The following CMSS1 variants were observed in gnomAD, a reference collection of about 807,000 sequenced individuals.
The protein encoded by CMSS1 is cms1 ribosomal small subunit homolog.
Under a neutral mutation model 43.5 loss-of-function variants are expected in CMSS1, and 33 were observed. The observed-to-expected ratio is 0.76, with a 90% CI of 0.57 to 1.01. The LOEUF (loss-of-function observed/expected upper bound fraction) is 1.01, where lower values mean the gene tolerates loss of function less well. Ranked by LOEUF, CMSS1 falls within the 50% of genes least tolerant of loss-of-function variation. The pLI is 0.00. For missense variants in CMSS1, 313 were observed against 326.4 expected (o/e 0.96, Z 0.32); for synonymous variants, 115 against 117.2 (o/e 0.98, Z 0.12).
chr3:100,163,561 G>A (rs953084218), intron 4 of CMSS1, among the ~76,000 whole-genome samples: 1 of 152,124 alleles, frequency 6.6e-6, no homozygotes, highest in African/African-American at 2.4e-5. Context: ...TTTAGAGACA[G>A]TGTCTTGTTG....
At chr3:100,114,896 T>G in intron 1 of CMSS1, 10 of 1,391,558 alleles carry the variant, frequency 7.2e-6, no homozygotes, top group Non-Finnish European at 9.8e-6. Context: ...ATTAACGCTG[T>G]GTTGGACTCA....
intron 1 of CMSS1, among the ~76,000 whole-genome samples, chr3:100,062,934 T>C (rs762228928): frequency 3.9e-5 from 6 of 152,208 alleles, no homozygotes; most frequent in African/African-American, 9.7e-5. Context: ...TTAATCTCTC[T>C]GAGCCAGCAG....
chr3:99,819,373 C>T (rs1942386620), intron 1 of CMSS1, among the ~76,000 whole-genome samples: 1 of 152,146 alleles, frequency 6.6e-6, no homozygotes, highest in African/African-American at 2.4e-5. Context: ...AAGGGGATCC[C>T]AATTCTTGGT....
At chr3:100,138,122 G>A (rs1244056558) in intron 1 of CMSS1, among the ~76,000 whole-genome samples, 1 of 152,178 alleles carries the variant, frequency 6.6e-6, no homozygotes, top group African/African-American at 2.4e-5. Context: ...ATGGTGCTGG[G>A]AAAACTGGCT....
intron 1 of CMSS1, among the ~76,000 whole-genome samples, chr3:99,937,317 T>C (rs1707710105): frequency 6.6e-6 from 1 of 152,250 alleles, no homozygotes; most frequent in African/African-American, 2.4e-5. Flanking sequence ...GTGAGTAACA[T>C]AAATTCACAA....
At chr3:99,928,639 T>A (rs1292133676) in intron 1 of CMSS1, among the ~76,000 whole-genome samples, 1 of 152,252 alleles carries the variant, frequency 6.6e-6, no homozygotes, top group African/African-American at 2.4e-5. Context: ...TTTGGAATCA[T>A]CCTGTTCCAT....
At chr3:99,999,236 TAA>T (rs1709773501) in intron 1 of CMSS1, among the ~76,000 whole-genome samples, 1 of 152,214 alleles carries the variant, frequency 6.6e-6, no homozygotes, top group African/African-American at 2.4e-5. Context: ...GAAAGTGTGA[TAA>T]GCTCTCACTG....
intron 1 of CMSS1, among the ~76,000 whole-genome samples, chr3:100,054,295 T>G (rs1393219949): frequency 1.3e-5 from 2 of 152,154 alleles, no homozygotes; most frequent in Non-Finnish European, 2.9e-5. Context: ...CATGAGTTAG[T>G]TGCTAGTAAT....
intron 1 of CMSS1, among the ~76,000 whole-genome samples, chr3:100,014,898 T>C (rs1710290314): frequency 9.1e-6 from 1 of 110,398 alleles, no homozygotes; most frequent in African/African-American, 3.0e-5. Context: ...TTTCTTTCTT[T>C]TTTTTTTTTT....
At chr3:99,894,750 A>G (rs1042120222) in intron 1 of CMSS1, among the ~76,000 whole-genome samples, 2 of 151,990 alleles carry the variant, frequency 1.3e-5, no homozygotes, top group Admixed American at 1.3e-4. Context: ...AAAGCTGAAA[A>G]CTCCATTTAG....
chr3:99,937,954 A>G (rs181564847), intron 1 of CMSS1, among the ~76,000 whole-genome samples: 5 of 152,338 alleles, frequency 3.3e-5, no homozygotes, highest in Non-Finnish European at 7.4e-5. Context: ...GAGTTGGTAA[A>G]GGTGAATTAA....
chr3:100,147,119 C>T lies in CMSS1; in HGVS notation c.153+58C>T, dbSNP rs985637701. 3.8e-6 allele frequency: 6 copies of T among 1,592,730 alleles called. No individual in the cohort carries two copies. The Admixed American group carries it at 6.9e-5, about 18-fold the overall frequency. ...TAAATTCTGAAATCAGCCTTTTCCT[C>T]CTCTCTATTGAACTCCCCATGTCCT... On this transcript the variant is annotated intron_variant, in intron 2 of 9. Coordinates refer to ENST00000421999, the MANE Select transcript of CMSS1 (RefSeq NM_032359.4).
intron 1 of CMSS1, among the ~76,000 whole-genome samples, chr3:99,883,130 A>C (rs759006586): frequency 2.0e-5 from 3 of 152,208 alleles, no homozygotes; most frequent in Admixed American, 6.5e-5. Flanking sequence ...AGATTGAATT[A>C]TCTCTCAAAA....
At chr3:99,876,339 G>A in intron 1 of CMSS1, 1 of 443,842 alleles carries the variant, frequency 2.3e-6, no homozygotes, top group Non-Finnish European at 3.0e-6. Flanking sequence ...TGTTCCGGCC[G>A]TGTGAACGGA....
intron 1 of CMSS1, among the ~76,000 whole-genome samples, chr3:100,046,836 A>G (rs2065286213): frequency 6.6e-6 from 1 of 152,212 alleles, no homozygotes; most frequent in Non-Finnish European, 1.5e-5. Flanking sequence ...GTAAGTGCTC[A>G]GTGAGTGGTG....
chr3:99,968,654 A>AT (rs1708726059), intron 1 of CMSS1, among the ~76,000 whole-genome samples: 1 of 152,188 alleles, frequency 6.6e-6, no homozygotes, highest in Non-Finnish European at 1.5e-5. Context: ...TAATACAGAC[A>AT]TTTAAGAAGC....
chr3:100,078,870 G>A (rs997713735), intron 1 of CMSS1, among the ~76,000 whole-genome samples: 10 of 151,992 alleles, frequency 6.6e-5, no homozygotes, highest in Admixed American at 1.3e-4. Context: ...CAGCCTGAGC[G>A]ACAGAGTGGG....
chr3:100,018,976 AAATC>A (rs1482362168), intron 1 of CMSS1, among the ~76,000 whole-genome samples: 1 of 152,336 alleles, frequency 6.6e-6, no homozygotes, highest in East Asian at 1.9e-4. Context: ...AAGGAAATAT[AAATC>A]AAAACCACAG....
At chr3:99,913,091 A>G (rs1435179688) in intron 1 of CMSS1, among the ~76,000 whole-genome samples, 1 of 151,832 alleles carries the variant, frequency 6.6e-6, no homozygotes, top group Non-Finnish European at 1.5e-5. Flanking sequence ...CAAGGAGACG[A>G]CAGCGGTTTA....
Sources: allele counts gnomAD v4.1 joint callset (sites outside exome capture counted in the v4.1 genomes callset), GRCh38; gene constraint gnomAD v4.1.1; transcripts MANE v1.5; gene names NCBI Gene and HGNC (gene_info 2026-07-23, HGNC 2026-07-21).